The following OPCML variants were observed in gnomAD, a reference collection of about 807,000 sequenced individuals.
OPCML encodes opioid-binding protein/cell adhesion molecule.
In OPCML, 13 loss-of-function variants were observed where a neutral mutation model predicts 37.8. That is an observed-to-expected ratio of 0.34 (90% CI 0.22 to 0.55). The LOEUF (loss-of-function observed/expected upper bound fraction) is 0.55, where lower values mean the gene tolerates loss of function less well. Ranked by LOEUF, OPCML falls within the 20% of genes least tolerant of loss-of-function variation. OPCML has a pLI of 0.91. For synonymous variants in OPCML, 176 were observed against 168.8 expected (o/e 1.04, Z -0.33); for missense variants, 341 against 435.6 (o/e 0.78, Z 1.93).
intron 2 of OPCML, among the ~76,000 whole-genome samples, chr11:132,681,131 A>C (rs980955777): frequency 6.6e-6 from 1 of 152,170 alleles, no homozygotes; most frequent in African/African-American, 2.4e-5. Flanking sequence ...CTTGTCTCCA[A>C]AATCTCATTT....
At chr11:133,274,768 A>T (rs1303054947) in intron 1 of OPCML, among the ~76,000 whole-genome samples, 1 of 152,172 alleles carries the variant, frequency 6.6e-6, no homozygotes, top group Non-Finnish European at 1.5e-5. Flanking sequence ...TTCAGTCACG[A>T]GCTTTTACAA....
At chr11:133,181,448 T>A (rs147901319) in intron 1 of OPCML, among the ~76,000 whole-genome samples, 1,649 of 147,440 alleles carry the variant, frequency 0.011, 41 homozygotes, top group African/African-American at 0.04. Flanking sequence ...TGCAATTAAC[T>A]CAGAATAGTG....
rs373401922 is a variant in OPCML at position 132,864,866 on chromosome 11, G to A, written c.146+78060C>T. Among the ~76,000 whole-genome samples, 51 of 152,310 alleles carry A rather than the reference G, an allele frequency of 3.3e-4. 1 individual carries two copies. In the East Asian group the frequency reaches 6.2e-3, roughly 18 times the overall value. On this transcript the variant is annotated intron_variant, in intron 2 of 7. Coordinates refer to ENST00000524381, the MANE Select transcript of OPCML (RefSeq NM_001012393.5). ...AACAACATACTGGACTTTAATGGGC[G>A]ATTACTCAGCATCTACCCTGGGCCA...
intron 4 of OPCML, among the ~76,000 whole-genome samples, chr11:132,523,152 C>G (rs1295787646): frequency 6.6e-6 from 1 of 152,158 alleles, no homozygotes; most frequent in Non-Finnish European, 1.5e-5. Flanking sequence ...GGTGATCCGC[C>G]CATCTCAGCC....
At chr11:132,673,346 A>C (rs1942560657) in intron 2 of OPCML, among the ~76,000 whole-genome samples, 1 of 152,148 alleles carries the variant, frequency 6.6e-6, no homozygotes, top group Non-Finnish European at 1.5e-5. Flanking sequence ...AATAGATCAC[A>C]GAGAGATGGA....
chr11:132,839,487 G>T (rs1052114946), intron 2 of OPCML, among the ~76,000 whole-genome samples: 2 of 152,342 alleles, frequency 1.3e-5, no homozygotes, highest in African/African-American at 2.4e-5. Context: ...CTTAAATTAG[G>T]TTTGCTAGAG....
intron 1 of OPCML, among the ~76,000 whole-genome samples, chr11:133,213,815 A>G (rs904426221): frequency 5.9e-5 from 9 of 152,196 alleles, no homozygotes; most frequent in African/African-American, 1.9e-4. Context: ...GATCTTATAA[A>G]ATAAGTAAAT....
intron 3 of OPCML, among the ~76,000 whole-genome samples, chr11:132,575,385 A>G (rs1362615479): frequency 1.3e-5 from 2 of 151,658 alleles, no homozygotes; most frequent in African/African-American, 4.8e-5. Context: ...ATATGCTTTG[A>G]TTTGTTTCTG....
At chr11:132,593,368 C>T (rs551008907) in intron 3 of OPCML, among the ~76,000 whole-genome samples, 10 of 152,310 alleles carry the variant, frequency 6.6e-5, no homozygotes, top group Non-Finnish European at 1.2e-4. Context: ...TGGCAAAGAG[C>T]ATGCATTGTA....
chr11:132,779,097 A>G (rs1946907695), intron 2 of OPCML, among the ~76,000 whole-genome samples: 1 of 149,394 alleles, frequency 6.7e-6, no homozygotes, highest in South Asian at 2.1e-4. Context: ...CCTCCTGAGT[A>G]GCTGGGATTA....
At chr11:132,648,537 TCAGA>T (rs1941270329) in intron 3 of OPCML, among the ~76,000 whole-genome samples, 1 of 151,352 alleles carries the variant, frequency 6.6e-6, no homozygotes, top group Non-Finnish European at 1.5e-5. Context: ...TTTTTTTTTT[TCAGA>T]CAGAGTCTTG....
intron 1 of OPCML, among the ~76,000 whole-genome samples, chr11:132,961,328 T>C (rs911018556): frequency 1.3e-5 from 2 of 152,140 alleles, no homozygotes; most frequent in African/African-American, 4.8e-5. Context: ...AAGTACATTT[T>C]AAGGATAAGC....
intron 3 of OPCML, among the ~76,000 whole-genome samples, chr11:132,619,321 T>C (rs1466446440): frequency 6.6e-6 from 1 of 152,214 alleles, no homozygotes; most frequent in Non-Finnish European, 1.5e-5. Flanking sequence ...AATTCTGTAA[T>C]AGAATCTCTC....
At chr11:132,436,878 T>A (rs2096015070) in intron 5 of OPCML, 99 bp from the exon 6 acceptor site, 19 of 1,502,166 alleles carry the variant, frequency 1.3e-5, no homozygotes, top group Admixed American at 6.8e-5. Context: ...CCATTTGCTA[T>A]GTAAATGGAT....
intron 1 of OPCML, among the ~76,000 whole-genome samples, chr11:133,460,035 A>C (rs768647643): frequency 2.0e-5 from 3 of 152,046 alleles, no homozygotes; most frequent in Non-Finnish European, 4.4e-5. Flanking sequence ...TTCTTATCAC[A>C]ATGGAATGAC....
chr11:132,428,399 A>T (rs1337863891), intron 7 of OPCML, among the ~76,000 whole-genome samples: 1 of 152,240 alleles, frequency 6.6e-6, no homozygotes, highest in Non-Finnish European at 1.5e-5. Context: ...TCACTGGAAG[A>T]TATAGTGTTA....
chr11:133,431,756 C>G (rs1023823669), intron 1 of OPCML, among the ~76,000 whole-genome samples: 1 of 149,762 alleles, frequency 6.7e-6, no homozygotes, highest in African/African-American at 2.4e-5. Context: ...TGAACCACTG[C>G]GCCCCGCCGA....
intron 2 of OPCML, among the ~76,000 whole-genome samples, chr11:132,792,536 C>G (rs1937989921): frequency 6.6e-6 from 1 of 152,164 alleles, no homozygotes; most frequent in South Asian, 2.1e-4. Context: ...TGTGGCCATT[C>G]CTATAAGTTT....
chr11:133,244,001 G>T lies in OPCML; in HGVS notation c.61+288263C>A, dbSNP rs189033786. Among the ~76,000 whole-genome samples the T allele has an allele frequency of 3.1e-4, 47 of 152,324 alleles. No homozygotes were observed. The Middle Eastern group carries it at 0.01, about 33-fold the overall frequency. The stretch of plus-strand genomic sequence containing the variant: ...AGGGGTGGACATGCATCCAGCCCCA[G>T]TCCTTCCTGCCTGCCTTTCAGGACA... On this transcript the variant is annotated intron_variant, in intron 1 of 7. Transcript: ENST00000524381.
Sources: gnomAD v4.1 joint callset for allele counts (sites outside exome capture counted in the v4.1 genomes callset) on GRCh38, gnomAD v4.1.1 for gene constraint, MANE v1.5 for transcripts, NCBI Gene and HGNC (gene_info 2026-07-23, HGNC 2026-07-21) for gene names.